CACNA1E: variants seen among roughly 807,000 people sequenced by gnomAD.
CACNA1E encodes the protein calcium voltage-gated channel subunit alpha1 E.
Under a neutral mutation model 259.2 loss-of-function variants are expected in CACNA1E, and 40 were observed. The ratio of observed to expected loss-of-function variants is 0.15; its 90% CI spans 0.12 to 0.20. CACNA1E has a LOEUF of 0.20. CACNA1E is among the 10% of genes least tolerant of loss of function. CACNA1E has a pLI of 1.00. For missense variants in CACNA1E, 1,874 were observed against 3,040.1 expected (o/e 0.62, Z 9.02); for synonymous variants, 1,104 against 1,138.5 (o/e 0.97, Z 0.61).
chr1:181,755,835 C>T, intron 28 of CACNA1E, 121 bp from the exon 29 acceptor site: 1 of 1,042,610 alleles, frequency 9.6e-7, no homozygotes, highest in Non-Finnish European at 1.4e-6. Flanking sequence ...ATTCCTTTTG[C>T]CTTACACATG....
chr1:181,361,534 G>A (rs1334995026), intron 1 of CACNA1E, among the ~76,000 whole-genome samples: 1 of 152,120 alleles, frequency 6.6e-6, no homozygotes, highest in African/African-American at 2.4e-5. Flanking sequence ...GGTTGCTAGA[G>A]GGCTGGCCCT....
intron 1 of CACNA1E, among the ~76,000 whole-genome samples, chr1:181,507,157 T>C: frequency 6.6e-6 from 1 of 152,210 alleles, no homozygotes; most frequent in East Asian, 1.9e-4. Flanking sequence ...TAGGGTCTTC[T>C]TAGAACCTGT....
intron 2 of CACNA1E, among the ~76,000 whole-genome samples, chr1:181,415,478 A>G (rs1341968804): frequency 1.3e-5 from 2 of 152,142 alleles, no homozygotes; most frequent in Non-Finnish European, 2.9e-5. Context: ...GGAAGAGCAC[A>G]TGAAGGAGGT....
intron 13 of CACNA1E, 142 bp downstream of exon 13, chr1:181,720,005 C>G: frequency 1.3e-6 from 1 of 773,442 alleles, no homozygotes; most frequent in Non-Finnish European, 2.0e-6. Context: ...TTCTTTAGCT[C>G]TTCCTTTTTC....
chr1:181,383,273 T>C (rs1015122203), intron 1 of CACNA1E, among the ~76,000 whole-genome samples: 5 of 152,248 alleles, frequency 3.3e-5, no homozygotes, highest in African/African-American at 1.2e-4. Flanking sequence ...ATGTAGCTCA[T>C]GCATATAGCA....
At chr1:181,439,920 AG>A (rs1660342107) in intron 2 of CACNA1E, among the ~76,000 whole-genome samples, 1 of 152,218 alleles carries the variant, frequency 6.6e-6, no homozygotes, top group Admixed American at 6.5e-5. Context: ...ACAGAAGTCT[AG>A]GGGGCATTTC....
intron 7 of CACNA1E, among the ~76,000 whole-genome samples, chr1:181,694,309 A>G (rs1356210636): frequency 6.6e-6 from 1 of 152,238 alleles, no homozygotes. Flanking sequence ...AGTCCTTTAT[A>G]ATAAAGACTT....
At chr1:181,406,171 C>T (rs960908786) in intron 1 of CACNA1E, among the ~76,000 whole-genome samples, 3 of 152,226 alleles carry the variant, frequency 2.0e-5, no homozygotes, top group African/African-American at 7.2e-5. Context: ...AGCAGAGTCT[C>T]TCTTTCCCAT....
intron 7 of CACNA1E, among the ~76,000 whole-genome samples, chr1:181,680,019 A>C (rs1228817586): frequency 1.3e-5 from 2 of 150,258 alleles, no homozygotes; most frequent in Admixed American, 6.7e-5. Context: ...AGGCTGAGAC[A>C]GGCAGGTTGC....
chr1:181,612,340 A>G (rs1262134703), intron 6 of CACNA1E, among the ~76,000 whole-genome samples: 1 of 152,196 alleles, frequency 6.6e-6, no homozygotes, highest in Non-Finnish European at 1.5e-5. Context: ...TCACAAATTG[A>G]CTTCCCAGGA....
chr1:181,783,400 G>T (rs576216171), intron 39 of CACNA1E, among the ~76,000 whole-genome samples: 3 of 152,080 alleles, frequency 2.0e-5, no homozygotes, highest in South Asian at 2.1e-4. Flanking sequence ...CCAAGGGGGG[G>T]CCTTACTGAA....
chr1:181,663,932 A>G (rs576492321), intron 7 of CACNA1E, among the ~76,000 whole-genome samples: 1 of 152,362 alleles, frequency 6.6e-6, no homozygotes, highest in African/African-American at 2.4e-5. Flanking sequence ...GCATGTTTTC[A>G]GAATAATCAC....
intron 2 of CACNA1E, among the ~76,000 whole-genome samples, chr1:181,436,672 C>T (rs1044227558): frequency 6.6e-6 from 1 of 152,098 alleles, no homozygotes; most frequent in Non-Finnish European, 1.5e-5. Flanking sequence ...CTCAGACATA[C>T]AGAGTACAAT....
At chr1:181,653,922 G>A (rs1279348471) in intron 7 of CACNA1E, among the ~76,000 whole-genome samples, 1 of 152,204 alleles carries the variant, frequency 6.6e-6, no homozygotes, top group Non-Finnish European at 1.5e-5. Context: ...TGCATACAGA[G>A]TTGCCAATGA....
intron 7 of CACNA1E, among the ~76,000 whole-genome samples, chr1:181,684,719 G>A (rs57737730): frequency 0.12 from 18,460 of 152,012 alleles, 1,147 homozygotes; most frequent in Admixed American, 0.16. Context: ...TCCCAGCACC[G>A]TTTATTGAAT....
At position 181,718,036 on chromosome 1, in the gene CACNA1E, C is replaced by T; in HGVS notation, c.1526-19C>T. The T allele has an allele frequency of 4.7e-6, 6 of 1,280,928 alleles. No homozygotes were observed. Among genetic ancestry groups the T allele is most frequent in the Non-Finnish European group, 6.8e-6 (6 of 880,088 alleles). The allele number at this position is 1,280,928 out of a possible 1,614,324, so 79.3% of individuals were successfully genotyped here. On this transcript the variant is annotated intron_variant, in intron 11 of 47. Transcript: ENST00000367573. ...CCACCCCACATGTGGAACCAATGCT[C>T]TACTTTTAATACTTCCAGACTATGC...
intron 6 of CACNA1E, among the ~76,000 whole-genome samples, chr1:181,646,188 C>T (rs1156361673): frequency 2.6e-5 from 4 of 152,242 alleles, no homozygotes; most frequent in South Asian, 2.1e-4. Context: ...GATCTCTCCT[C>T]GAGATGGAGC....
At chr1:181,794,245 A>T (rs1005369395) in intron 45 of CACNA1E, among the ~76,000 whole-genome samples, 8 of 152,128 alleles carry the variant, frequency 5.3e-5, no homozygotes, top group African/African-American at 1.9e-4. Context: ...TCGGTCTTAC[A>T]TCAGGTTTTG....
At chr1:181,576,872 A>G (rs556687991) in intron 3 of CACNA1E, among the ~76,000 whole-genome samples, 1 of 152,322 alleles carries the variant, frequency 6.6e-6, no homozygotes, top group Non-Finnish European at 1.5e-5. Context: ...TATTTTTATA[A>G]CTAGACCACG....
Sources: gnomAD v4.1 joint callset for allele counts (sites outside exome capture counted in the v4.1 genomes callset) on GRCh38, gnomAD v4.1.1 for gene constraint, MANE v1.5 for transcripts, NCBI Gene and HGNC (gene_info 2026-07-23, HGNC 2026-07-21) for gene names.